Variants in ZMYM2 observed in about 807,000 individuals in gnomAD.
The protein encoded by ZMYM2 is zinc finger MYM-type protein 2.
In ZMYM2, 56 loss-of-function variants were observed where a neutral mutation model predicts 162.8. The ratio of observed to expected loss-of-function variants is 0.34; its 90% CI spans 0.28 to 0.43. The LOEUF is 0.43. ZMYM2 is among the 20% of genes least tolerant of loss of function. The probability of loss-of-function intolerance (pLI) is 1.00; values close to 1 mark genes in which losing one functional copy is unlikely to be tolerated. For synonymous variants in ZMYM2, 510 were observed against 541.6 expected, an observed-to-expected ratio of 0.94 and a Z score of 0.81; for missense variants, 1,275 against 1,621.8, an observed-to-expected ratio of 0.79 and a Z score of 3.67.
chr13:19,907,617 C>T, the ZMYM2 span, among the ~76,000 whole-genome samples: 1 of 151,668 alleles, frequency 6.6e-6, no homozygotes, highest in Non-Finnish European at 1.5e-5. Context: ...AAAAAATTAG[C>T]CAGGTGTGGT....
chr13:19,982,728 A>C (rs1053608279), intron 2 of ZMYM2, among the ~76,000 whole-genome samples: 1 of 152,186 alleles, frequency 6.6e-6, no homozygotes, highest in Non-Finnish European at 1.5e-5. Flanking sequence ...GATAGTTCCT[A>C]CCTTGACAAG....
At chr13:19,972,705 C>G (rs1419241194) in intron 2 of ZMYM2, among the ~76,000 whole-genome samples, 1 of 151,800 alleles carries the variant, frequency 6.6e-6, no homozygotes, top group Middle Eastern at 3.2e-3. Context: ...ATAGGAATTC[C>G]TGAGTCAGAG....
At chr13:20,005,643 C>A (rs1203490004) in intron 5 of ZMYM2, among the ~76,000 whole-genome samples, 1 of 152,174 alleles carries the variant, frequency 6.6e-6, no homozygotes, top group Non-Finnish European at 1.5e-5. Flanking sequence ...GATAACCTCA[C>A]ATTATTAATA....
chr13:20,060,608 G>A (rs1180353026), intron 16 of ZMYM2, among the ~76,000 whole-genome samples: 1 of 152,224 alleles, frequency 6.6e-6, no homozygotes, highest in East Asian at 1.9e-4. Flanking sequence ...AACCCGGGAG[G>A]CGGAGGTTGC....
At chr13:19,893,305 A>T in the ZMYM2 span, among the ~76,000 whole-genome samples, 11 of 151,632 alleles carry the variant, frequency 7.3e-5, no homozygotes, top group Admixed American at 2.6e-4. Flanking sequence ...TAAACTAATT[A>T]AAAAAAAGAA....
At chr13:19,878,588 C>G in the ZMYM2 span, among the ~76,000 whole-genome samples, 1 of 142,110 alleles carries the variant, frequency 7.0e-6, no homozygotes, top group Non-Finnish European at 1.5e-5. Context: ...GTGGCACCAT[C>G]TCGGCTCACT....
At chr13:19,989,531 G>A (rs542598988) in intron 2 of ZMYM2, among the ~76,000 whole-genome samples, 14 of 152,076 alleles carry the variant, frequency 9.2e-5, no homozygotes, top group South Asian at 4.2e-4. Flanking sequence ...CTCTAACTCC[G>A]GACCTCAAGT....
At chr13:20,052,457 T>A in intron 14 of ZMYM2, 146 bp downstream of exon 14, 1 of 636,412 alleles carries the variant, frequency 1.6e-6, no homozygotes, top group Non-Finnish European at 2.6e-6. Flanking sequence ...AGCTGAATTA[T>A]ATTAATACCA....
intron 5 of ZMYM2, 122 bp from the exon 6 acceptor site, chr13:20,006,243 AAAAAATTTT>A: frequency 1.1e-6 from 1 of 908,928 alleles, no homozygotes; most frequent in Non-Finnish European, 1.5e-6. Flanking sequence ...AAAAAAAAAA[AAAAAATTTT>A]TTTTTTCCTT....
At chr13:19,872,280 G>A in the ZMYM2 span, among the ~76,000 whole-genome samples, 1 of 152,138 alleles carries the variant, frequency 6.6e-6, no homozygotes, top group Admixed American at 6.6e-5. Flanking sequence ...GCTAGGCACG[G>A]TGGCTCATGC....
the ZMYM2 span, among the ~76,000 whole-genome samples, chr13:19,937,418 A>G: frequency 2.0e-4 from 30 of 150,114 alleles, no homozygotes; most frequent in Non-Finnish European, 3.7e-4. Context: ...GATTACAGGC[A>G]TGAGCCACTG....
At chr13:19,919,847 G>C in the ZMYM2 span, among the ~76,000 whole-genome samples, 23 of 151,880 alleles carry the variant, frequency 1.5e-4, 1 homozygote, top group Admixed American at 1.1e-3. Flanking sequence ...GCCGATTTTT[G>C]TATTTTTAGT....
At chr13:19,873,425 T>TTTATTTAC in the ZMYM2 span, among the ~76,000 whole-genome samples, 1 of 150,090 alleles carries the variant, frequency 6.7e-6, no homozygotes, top group Non-Finnish European at 1.5e-5. Context: ...TATTTATTTA[T>TTTATTTAC]TGAGGCAGAG....
the ZMYM2 span, among the ~76,000 whole-genome samples, chr13:19,924,629 T>C: frequency 6.6e-6 from 1 of 152,236 alleles, no homozygotes; most frequent in Non-Finnish European, 1.5e-5. Context: ...TGTTGTAGCA[T>C]ATGTCAGAAT....
chr13:20,017,611 G>A (rs917888957), intron 6 of ZMYM2, among the ~76,000 whole-genome samples: 1 of 121,418 alleles, frequency 8.2e-6, no homozygotes, highest in Non-Finnish European at 1.9e-5. Context: ...TGACATGAAT[G>A]TTACTTTTTT....
chr13:20,045,158 A>G (rs367818604), intron 12 of ZMYM2, among the ~76,000 whole-genome samples: 1 of 152,146 alleles, frequency 6.6e-6, no homozygotes, highest in South Asian at 2.1e-4. Flanking sequence ...GGAGAACAGT[A>G]TTTAGTTTAC....
chr13:19,877,659 G>A, the ZMYM2 span, among the ~76,000 whole-genome samples: 2 of 152,312 alleles, frequency 1.3e-5, no homozygotes, highest in Admixed American at 1.3e-4. Context: ...TTCATTTTGT[G>A]ACTGCCTTAT....
At chr13:20,072,411 C>G (rs544477479) in intron 21 of ZMYM2, among the ~76,000 whole-genome samples, 9 of 152,278 alleles carry the variant, frequency 5.9e-5, no homozygotes, top group African/African-American at 1.9e-4. Flanking sequence ...GTCCCAGCTA[C>G]TTGGGAGGCT....
At chr13:19,882,577 T>G in the ZMYM2 span, among the ~76,000 whole-genome samples, 48 of 151,932 alleles carry the variant, frequency 3.2e-4, no homozygotes, top group Non-Finnish European at 5.4e-4. Context: ...TGAGACCCAG[T>G]CTCTACCAAA....
Sources: gnomAD v4.1 joint callset for allele counts (sites outside exome capture counted in the v4.1 genomes callset) on GRCh38, gnomAD v4.1.1 for gene constraint, MANE v1.5 for transcripts, NCBI Gene and HGNC (gene_info 2026-07-23, HGNC 2026-07-21) for gene names.